GLI3: variants seen among roughly 807,000 people sequenced by gnomAD.
GLI3 encodes the protein GLI family zinc finger 3, also known as transcription activator GLI3.
GLI3 carries 20 observed loss-of-function variants against 100.8 expected under a neutral mutation model. The observed-to-expected ratio is 0.20, with a 90% CI of 0.14 to 0.29. The LOEUF is 0.29. Ranked by LOEUF, GLI3 falls within the 10% of genes least tolerant of loss-of-function variation. GLI3 has a pLI of 1.00. For synonymous variants in GLI3, 938 were observed against 860.5 expected (o/e 1.09, Z -1.58); for missense variants, 2,040 against 2,128.5 (o/e 0.96, Z 0.82).
intron 3 of GLI3, among the ~76,000 whole-genome samples, chr7:42,081,258 G>A (rs907653833): frequency 2.6e-5 from 4 of 152,102 alleles, no homozygotes; most frequent in East Asian, 1.9e-4. Context: ...AGGTGGGGGC[G>A]GGTCTGTGGA....
chr7:42,009,480 C>CTTTTTTTTTTT (rs3030324), intron 10 of GLI3, among the ~76,000 whole-genome samples: 1 of 118,382 alleles, frequency 8.4e-6, no homozygotes, highest in Non-Finnish European at 1.7e-5. Flanking sequence ...GCAAATTGTT[C>CTTTTTTTTTTT]TTTTTTTTTT....
intron 3 of GLI3, among the ~76,000 whole-genome samples, chr7:42,094,325 G>A (rs927439834): frequency 2.6e-5 from 4 of 152,190 alleles, no homozygotes; most frequent in Admixed American, 6.5e-5. Context: ...TCACTAGACA[G>A]GGTGTGGTGG....
chr7:42,011,072 A>G (rs752081432), intron 10 of GLI3, among the ~76,000 whole-genome samples: 3 of 152,254 alleles, frequency 2.0e-5, no homozygotes, highest in Non-Finnish European at 2.9e-5. Flanking sequence ...GAGTCCACCT[A>G]GCCTAATGCT....
At chr7:42,086,883 A>G (rs1785112955) in intron 3 of GLI3, among the ~76,000 whole-genome samples, 1 of 152,196 alleles carries the variant, frequency 6.6e-6, no homozygotes. Context: ...AGACAAGCAC[A>G]CATTTACTGA....
At chr7:42,248,062 A>G (rs528244279) in intron 1 of GLI3, among the ~76,000 whole-genome samples, 123 of 152,344 alleles carry the variant, frequency 8.1e-4, no homozygotes, top group African/African-American at 2.9e-3. Flanking sequence ...ACACTCTGGA[A>G]AAGGGATTCA....
At chr7:42,059,597 C>T (rs937298704) in intron 4 of GLI3, among the ~76,000 whole-genome samples, 2 of 152,192 alleles carry the variant, frequency 1.3e-5, no homozygotes, top group African/African-American at 4.8e-5. Flanking sequence ...GATGAGGAAA[C>T]AGCTGTCGCT....
At chr7:42,199,980 C>T (rs546119317) in intron 2 of GLI3, among the ~76,000 whole-genome samples, 29 of 152,208 alleles carry the variant, frequency 1.9e-4, no homozygotes, top group African/African-American at 6.0e-4. Context: ...TGCTTGAATC[C>T]GGGAGGCGGA....
chr7:42,040,853 C>A (rs998567439), intron 6 of GLI3, among the ~76,000 whole-genome samples: 5 of 152,166 alleles, frequency 3.3e-5, no homozygotes, highest in Non-Finnish European at 1.5e-5. Context: ...CACCTGACAA[C>A]ATCTGAAGAC....
chr7:42,154,912 T>C (rs1786964036), intron 2 of GLI3, among the ~76,000 whole-genome samples: 1 of 152,096 alleles, frequency 6.6e-6, no homozygotes, highest in African/African-American at 2.4e-5. Context: ...ACATCTCCCA[T>C]TGACAATGAC....
At chr7:42,163,596 T>A (rs1583612589) in intron 2 of GLI3, among the ~76,000 whole-genome samples, 1 of 152,030 alleles carries the variant, frequency 6.6e-6, no homozygotes, top group Admixed American at 6.6e-5. Flanking sequence ...ACCTGGCTAA[T>A]TTTTTGTACT....
Position 41,964,853 on chromosome 7 carries a change from C to G in GLI3, c.4220G>C (p.Gly1407Ala). The part of the protein sequence containing the change: ...MPRDSLALQS[G>A]QLSDTSQTCR... The stretch of plus-strand genomic sequence containing the variant: ...GGTCTGACTTGTGTCACTGAGCTGT[C>G]CTGACTGCAGAGCAAGGCTGTCCCT... Residue 1407 changes from glycine to alanine, a missense_variant, in exon 15 of 15, where the codon GGA (glycine) becomes GCA (alanine). Gly to Ala is a moderately conservative substitution (Grantham distance 60). Transcript: ENST00000395925. 2 of 1,613,940 alleles carry G rather than the reference C, an allele frequency of 1.2e-6. No homozygotes were observed. Among genetic ancestry groups the G allele is most frequent in the Non-Finnish European group, 1.7e-6 (2 of 1,180,040 alleles).
chr7:42,253,765 T>G (rs1789056956), intron 1 of GLI3, among the ~76,000 whole-genome samples: 1 of 152,204 alleles, frequency 6.6e-6, no homozygotes, highest in Non-Finnish European at 1.5e-5. Flanking sequence ...TCCTCAGTAC[T>G]CAATAAATGT....
At chr7:42,240,131 A>G (rs1788909707), upstream of GLI3, among the ~76,000 whole-genome samples, 2 of 152,210 alleles carry the variant, frequency 1.3e-5, no homozygotes, top group Non-Finnish European at 2.9e-5. Context: ...AGTGATACAC[A>G]GCACTAAGAG....
chr7:42,157,551 G>A (rs1333267594), intron 2 of GLI3, among the ~76,000 whole-genome samples: 2 of 152,144 alleles, frequency 1.3e-5, no homozygotes, highest in Non-Finnish European at 2.9e-5. Flanking sequence ...TTGGACGAAA[G>A]GAAGTGGGAG....
intron 13 of GLI3, among the ~76,000 whole-genome samples, chr7:41,968,667 CAAGAAAGA>C (rs1233386146): frequency 1.6e-5 from 2 of 123,670 alleles, no homozygotes; most frequent in Non-Finnish European, 3.3e-5. Flanking sequence ...TGTGCTATAC[CAAGAAAGA>C]AAGAAAGAAA....
intron 5 of GLI3, 143 bp from the exon 6 acceptor site, chr7:42,045,673 T>G (rs1193199015): frequency 2.7e-6 from 2 of 732,242 alleles, no homozygotes; most frequent in Non-Finnish European, 2.4e-6. Flanking sequence ...TTAACTCAAA[T>G]TGTGCTCTTA....
At chr7:42,128,963 T>G (rs193256268) in intron 3 of GLI3, among the ~76,000 whole-genome samples, 9 of 152,286 alleles carry the variant, frequency 5.9e-5, no homozygotes, top group Admixed American at 5.2e-4. Context: ...ACTATTGCAG[T>G]CTAGCAGAAA....
At chr7:42,069,351 C>A (rs566508420) in intron 4 of GLI3, among the ~76,000 whole-genome samples, 3 of 152,102 alleles carry the variant, frequency 2.0e-5, no homozygotes, top group African/African-American at 4.8e-5. Flanking sequence ...AAGTGTGTAT[C>A]GGCGGATCTG....
chr7:42,209,250 T>G (rs1380311351), intron 2 of GLI3, among the ~76,000 whole-genome samples: 1 of 152,078 alleles, frequency 6.6e-6, no homozygotes, highest in Admixed American at 6.6e-5. Context: ...AGGGTCTTGC[T>G]ATATTGCCCA....
Sources: gnomAD v4.1 joint callset for allele counts (sites outside exome capture counted in the v4.1 genomes callset) on GRCh38, gnomAD v4.1.1 for gene constraint, MANE v1.5 for transcripts, NCBI Gene and HGNC (gene_info 2026-07-23, HGNC 2026-07-21) for gene names.